CCDC33: variants seen among roughly 807,000 people sequenced by gnomAD.
The protein encoded by CCDC33 is coiled-coil domain-containing protein 33.
In CCDC33, 94 loss-of-function variants were observed where a neutral mutation model predicts 91.9. That is an observed-to-expected ratio of 1.02 (90% confidence interval 0.87 to 1.21). CCDC33 has a LOEUF of 1.21. Ranked by LOEUF, CCDC33 falls within the 50% of genes most tolerant of loss-of-function variation. The pLI is 0.00. For synonymous variants in CCDC33, 396 were observed against 374.5 expected (o/e 1.06, Z -0.66); for missense variants, 940 against 935.5 (o/e 1.00, Z -0.06).
intron 10 of CCDC33, among the ~76,000 whole-genome samples, 153 bp downstream of exon 10, chr15:74,282,002 A>T (rs923054853): frequency 2.0e-5 from 3 of 152,204 alleles, no homozygotes; most frequent in Admixed American, 2.0e-4. Flanking sequence ...GAGACTCCAG[A>T]CAAACGTAGA....
chr15:74,290,106 C>T (rs1437881342), intron 10 of CCDC33, among the ~76,000 whole-genome samples: 1 of 152,164 alleles, frequency 6.6e-6, no homozygotes, highest in Admixed American at 6.5e-5. Context: ...GACCTCCCTT[C>T]AGTGCTTTCA....
chr15:74,318,451 C>G (rs753391557), intron 11 of CCDC33: 18 of 552,506 alleles, frequency 3.3e-5, no homozygotes, highest in Non-Finnish European at 4.8e-5. Flanking sequence ...AGACACCCCC[C>G]ACCCTGGAAC....
upstream of CCDC33, among the ~76,000 whole-genome samples, chr15:74,216,789 T>G (rs936689345): frequency 3.3e-5 from 5 of 151,108 alleles, no homozygotes; most frequent in Non-Finnish European, 5.9e-5. Context: ...GAATGGGAAG[T>G]TCTGGATACC....
chr15:74,208,059 G>C (rs1028612105), intron 1 of CCDC33: 1 of 1,284,508 alleles, frequency 7.8e-7, no homozygotes, highest in African/African-American at 1.5e-5. Context: ...TAACATAAAG[G>C]ATTTAGACCA....
intron 2 of CCDC33, among the ~76,000 whole-genome samples, chr15:74,225,153 T>A (rs993111479): frequency 1.7e-4 from 26 of 148,938 alleles, no homozygotes; most frequent in African/African-American, 6.0e-4. Flanking sequence ...TGTGTGTGTG[T>A]GTGACAGAGA....
rs549619685 is a variant in CCDC33, at chr15:74,315,211, G to A, written c.1291-14978G>A. ...TAGGCCAGCTTCAAGCTCGAGTTGC[G>A]GGGAGGCCTCTCCTACCAGCAGCTA... On this transcript the variant is annotated intron_variant, in intron 11 of 18. Coordinates refer to ENST00000398814, the MANE Select transcript of CCDC33 (RefSeq NM_025055.5). Among the ~76,000 whole-genome samples, 288 of 152,272 alleles carry A rather than the reference G, an allele frequency of 1.9e-3. 1 individual carries two copies. The highest frequency in any genetic ancestry group is 8.3e-3 in the South Asian group (40 of 4,826).
In CCDC33 at chr15:74,268,799, G is replaced by C. The variant is rs142268387; in HGVS notation, c.546+341G>C. ...CCTGTCTCCCCGAATCTTATGCTAG[G>C]GGCAGGGGAGAAGCCCCGTGCTCCC... On this transcript the variant is annotated intron_variant, in intron 5 of 18. Transcript: ENST00000398814. Among the ~76,000 whole-genome samples, 11 of 152,308 alleles carry C rather than the reference G, an allele frequency of 7.2e-5. 1 individual carries two copies. The South Asian group carries it at 2.3e-3, about 32-fold the overall frequency.
At chr15:74,240,429 A>G (rs1380501536) in intron 1 of CCDC33, among the ~76,000 whole-genome samples, 1 of 152,142 alleles carries the variant, frequency 6.6e-6, no homozygotes, top group Non-Finnish European at 1.5e-5. Context: ...AGGTGAATCC[A>G]TCTAGGAACA....
At chr15:74,305,614 C>A (rs948329946) in intron 11 of CCDC33, among the ~76,000 whole-genome samples, 7 of 152,176 alleles carry the variant, frequency 4.6e-5, no homozygotes, top group Admixed American at 4.6e-4. Flanking sequence ...GTGTCTGGTG[C>A]CCCCAACCTC....
At chr15:74,325,350 CCA>C (rs1167343764) in intron 11 of CCDC33, among the ~76,000 whole-genome samples, 1 of 152,054 alleles carries the variant, frequency 6.6e-6, no homozygotes, top group African/African-American at 2.4e-5. Flanking sequence ...CCTGCCTTTG[CCA>C]CAGTGTCTCC....
intron 2 of CCDC33, among the ~76,000 whole-genome samples, chr15:74,226,751 C>G (rs1055081701): frequency 1.4e-4 from 21 of 151,456 alleles, no homozygotes; most frequent in African/African-American, 4.6e-4. Flanking sequence ...TCGCTTGAAC[C>G]TGGGAGGCAG....
chr15:74,279,449 A>G (rs907940686), intron 7 of CCDC33, among the ~76,000 whole-genome samples: 1 of 152,106 alleles, frequency 6.6e-6, no homozygotes, highest in Non-Finnish European at 1.5e-5. Flanking sequence ...GGAACACAGG[A>G]GCTGTTTTTC....
chr15:74,208,989 T>C lies in CCDC33; in HGVS notation n.90-399T>C. ...GTTGTGTGGTCTCGGCAGTTGGCCC[T>C]GAGAAGTGTCCCCAGCACCTGCTTT... On this transcript the variant is annotated intron_variant and non_coding_transcript_variant, in intron 1 of 3. Transcript: ENST00000558645. The C allele has an allele frequency of 3.9e-6, 4 of 1,023,384 alleles. No homozygotes were observed. The South Asian group carries it at 1.2e-4, about 31-fold the overall frequency. The allele number at this position is 1,023,384 out of a possible 1,614,324, so 63.4% of individuals were successfully genotyped here.
intron 1 of CCDC33, among the ~76,000 whole-genome samples, chr15:74,206,850 C>A (rs2074271956): frequency 6.6e-6 from 1 of 152,222 alleles, no homozygotes; most frequent in African/African-American, 2.4e-5. Flanking sequence ...CCAGCATGAA[C>A]CCACGTGGGC....
At chr15:74,319,234 C>T (rs1307305695) in intron 11 of CCDC33, among the ~76,000 whole-genome samples, 3 of 152,206 alleles carry the variant, frequency 2.0e-5, no homozygotes, top group South Asian at 4.1e-4. Context: ...GGTCATTCCC[C>T]ACAGGGTGCA....
In CCDC33 at chr15:74,244,211, C is replaced by T; in HGVS notation, c.185+63C>T. On this transcript the variant is annotated intron_variant, in intron 2 of 18. Transcript: ENST00000398814. The surrounding 1 kb of genome is among the most constrained non-coding windows in gnomAD (Gnocchi z 4.2). ...TGGGCTGTGAGCAGAAACCAGGGGACAGCTATTTGGAATACTAGCACCCAA... is the reference window on the plus strand; with the variant it reads ...TGGGCTGTGAGCAGAAACCAGGGGATAGCTATTTGGAATACTAGCACCCAA... 1.9e-6 allele frequency: 3 copies of T among 1,550,700 alleles called. No individual in the cohort carries two copies. Among genetic ancestry groups the T allele is most frequent in the Non-Finnish European group, 2.6e-6 (3 of 1,145,072 alleles).
intron 11 of CCDC33, chr15:74,319,478 C>A (rs532714758): frequency 1.3e-5 from 2 of 152,586 alleles, no homozygotes; most frequent in African/African-American, 4.8e-5. Flanking sequence ...AGGACTGGGG[C>A]CTGCCCCTCA....
At position 74,277,393 on chromosome 15, in the gene CCDC33, G is replaced by A. The variant is rs1308607630; in HGVS notation, c.760-2570G>A. 3.3e-5 allele frequency among the ~76,000 whole-genome samples: 5 copies of A among 152,256 alleles called. No individual in the cohort carries two copies. The South Asian group carries it at 6.2e-4, about 19-fold the overall frequency. ...AGAGGTGGATGTGGGTGGGCCCAGGGGAAATAAGGCGGTGGGCGTGGAGGG... is the reference window on the plus strand; with the variant it reads ...AGAGGTGGATGTGGGTGGGCCCAGGAGAAATAAGGCGGTGGGCGTGGAGGG... On this transcript the variant is annotated intron_variant, in intron 7 of 18. Coordinates refer to ENST00000398814, the MANE Select transcript of CCDC33 (RefSeq NM_025055.5).
intron 2 of CCDC33, among the ~76,000 whole-genome samples, chr15:74,230,011 T>C (rs1364124751): frequency 6.6e-6 from 1 of 152,240 alleles, no homozygotes; most frequent in African/African-American, 2.4e-5. Context: ...CTTGAATTAT[T>C]CAGGCTGGCT....
Sources: allele counts gnomAD v4.1 joint callset (sites outside exome capture counted in the v4.1 genomes callset), GRCh38; gene constraint gnomAD v4.1.1; non-coding constraint Gnocchi (gnomAD v3.1); transcripts MANE v1.5; gene names NCBI Gene and HGNC (gene_info 2026-07-23, HGNC 2026-07-21).